TRIM47: variants seen among roughly 807,000 people sequenced by gnomAD.
TRIM47 encodes E3 ubiquitin-protein ligase TRIM47.
In TRIM47, 46 loss-of-function variants were observed where a neutral mutation model predicts 54.4. That is an observed-to-expected ratio of 0.84 (90% CI 0.67 to 1.08). The LOEUF (loss-of-function observed/expected upper bound fraction) is 1.08, where lower values mean the gene tolerates loss of function less well. Ranked by LOEUF, TRIM47 falls within the 50% of genes least tolerant of loss-of-function variation. The probability of loss-of-function intolerance (pLI) is 0.00; values close to 1 mark genes in which losing one functional copy is unlikely to be tolerated. For missense variants in TRIM47, 825 were observed against 910.1 expected, an observed-to-expected ratio of 0.91 and a Z score of 1.20; for synonymous variants, 392 against 410.2, an observed-to-expected ratio of 0.96 and a Z score of 0.54.
chr17:75,877,911 T>C lies in TRIM47; in HGVS notation c.638A>G (p.Glu213Gly). 1 of 1,424,360 alleles carries C rather than the reference T, an allele frequency of 7.0e-7. No homozygotes were observed. The highest frequency in any genetic ancestry group is 9.2e-7 in the Non-Finnish European group (1 of 1,091,724). The allele number at this position is 1,424,360 out of a possible 1,614,324, so 88.2% of individuals were successfully genotyped here. A position where few individuals can be genotyped will look rare whatever the true frequency, so the allele number is the denominator to read the frequency against. Reference protein sequence around the residue: ...ACAAQEHRGHELVPLEQERAL... With the variant: ...ACAAQEHRGHGLVPLEQERAL... ...GCGCTCCTGCTCCAGCGGCACCAGC[T>C]CGTGGCCGCGGTGCTCCTGTGCGGC... The change falls in exon 1 of 6, where the codon GAG becomes GGG. Residue 213 changes from glutamate to glycine, a missense_variant. Coordinates refer to ENST00000254816, the MANE Select transcript of TRIM47 (RefSeq NM_033452.3).
rs756900045 is a variant in TRIM47 at position 75,874,759 on chromosome 17, C to T, written c.1641G>A (p.Thr547=). 1.2e-5 allele frequency: 19 copies of T among 1,613,896 alleles called. No individual in the cohort carries two copies. The highest frequency in any genetic ancestry group is 2.7e-5 in the African/African-American group (2 of 74,936). ...CAGCGTATTCCAGGCAGACCCCAAC[C>T]GTGGGCGAGAAGGGGTGGGGCAGGG... The part of the protein sequence containing the change: ...EAPLPHPFSP[T]VGVCLEYADR... Residue 547 remains threonine (T), a synonymous_variant, in exon 6 of 6, where the codon ACG becomes ACA. Transcript: ENST00000254816. The surrounding 1 kb of genome is among the most constrained non-coding windows in gnomAD (Gnocchi z 6.2).
chr17:75,876,501 G>A lies in TRIM47; in HGVS notation c.772-9C>T. 1 of 1,588,810 alleles carries A rather than the reference G, an allele frequency of 6.3e-7. No individual in the cohort carries two copies. Among genetic ancestry groups the A allele is most frequent in the Non-Finnish European group, 8.6e-7 (1 of 1,169,240 alleles). Reference sequence around the variant, plus strand: ...TCTGCTACGGCTGCACTCTGCACAGGACGACAGTAGAGGGGGCAATGAGGG... The same window carrying A: ...TCTGCTACGGCTGCACTCTGCACAGAACGACAGTAGAGGGGGCAATGAGGG... On this transcript the variant is annotated splice_polypyrimidine_tract_variant and intron_variant, in intron 2 of 5. Coordinates refer to ENST00000254816, the MANE Select transcript of TRIM47 (RefSeq NM_033452.3).
At position 75,878,397 on chromosome 17, in the gene TRIM47, G is replaced by A; in HGVS notation, c.152C>T (p.Ala51Val). The change falls in exon 1 of 6, where the codon GCG (alanine) becomes GTG (valine). Residue 51 changes from alanine (A) to valine (V), a missense_variant. By Grantham distance (64) the Ala-to-Val change is moderately conservative. Transcript: ENST00000254816. ...GASGAGGPGG[A>V]ARCPLCQEPF... ...CTCCTGGCACAGCGGGCAGCGGGCC[G>A]CGCCTCCGGGTCCGCCGGCTCCACT... 1 of 1,422,228 alleles carries A rather than the reference G, an allele frequency of 7.0e-7. No individual in the cohort carries two copies. Among genetic ancestry groups the A allele is most frequent in the Non-Finnish European group, 9.2e-7 (1 of 1,081,218 alleles). The allele number at this position is 1,422,228 out of a possible 1,614,324, so 88.1% of individuals were successfully genotyped here.
intron 1 of TRIM47, 22 bp downstream of exon 1, chr17:75,877,852 C>A: frequency 7.6e-7 from 1 of 1,309,692 alleles, no homozygotes. Flanking sequence ...CCGGCTCACC[C>A]GAGTGTGCCC....
At position 75,875,780 on chromosome 17, in the gene TRIM47, G is replaced by T; in HGVS notation, c.1201+121C>A. 1 of 1,198,684 alleles carries T rather than the reference G, an allele frequency of 8.3e-7. No homozygotes were observed. Among genetic ancestry groups the T allele is most frequent in the Non-Finnish European group, 1.2e-6 (1 of 862,122 alleles). The allele number at this position is 1,198,684 out of a possible 1,614,324, so 74.3% of individuals were successfully genotyped here. A position where few individuals can be genotyped will look rare whatever the true frequency, so the allele number is the denominator to read the frequency against. On this transcript the variant is annotated intron_variant, in intron 4 of 5. Transcript: ENST00000254816. The surrounding 1 kb of genome is among the most constrained non-coding windows in gnomAD (Gnocchi z 6.1). Reference sequence around the variant, plus strand: ...CAGCTCTAGTCACTGGCAGGATTTGGGCTCCTCCCTGTGCCAGGCACAATT... The same window carrying T: ...CAGCTCTAGTCACTGGCAGGATTTGTGCTCCTCCCTGTGCCAGGCACAATT...
intron 1 of TRIM47, chr17:75,877,359 A>C: frequency 6.1e-6 from 1 of 163,246 alleles, no homozygotes; most frequent in Non-Finnish European, 1.3e-5. Context: ...GCTGGAGGCC[A>C]AAGGAAACTG....
Position 75,878,184 on chromosome 17 carries a change from G to A in TRIM47, c.365C>T (p.Ala122Val), listed in dbSNP as rs1359173521. The change falls in exon 1 of 6, where the codon GCG becomes GTG. Residue 122 changes from alanine (A) to valine (V), a missense_variant. Coordinates refer to ENST00000254816, the MANE Select transcript of TRIM47 (RefSeq NM_033452.3). Reference protein sequence around the residue: ...SAPCAPEPWPAGEEPVRCDAC... With the variant: ...SAPCAPEPWPVGEEPVRCDAC... ...GTCGCAGCGCACTGGCTCTTCGCCC[G>A]CGGGCCACGGCTCGGGAGCGCAGGG... The A allele has an allele frequency of 2.4e-6, 3 of 1,228,130 alleles. No homozygotes were observed. Among genetic ancestry groups the A allele is most frequent in the Non-Finnish European group, 3.0e-6 (3 of 985,928 alleles). The allele number at this position is 1,228,130 out of a possible 1,614,324, so 76.1% of individuals were successfully genotyped here. A position where few individuals can be genotyped will look rare whatever the true frequency, so the allele number is the denominator to read the frequency against.
rs144368754 is a variant in TRIM47 at position 75,876,787 on chromosome 17, G to A, written c.702C>T (p.Ala234=). The change falls in exon 2 of 6, where the codon GCC becomes GCT. Residue 234 remains alanine (A), a synonymous_variant. Coordinates refer to ENST00000254816, the MANE Select transcript of TRIM47 (RefSeq NM_033452.3). ...CCAGCTCGTCCATGCGGTCCTCCACGGCGCTCAGGACTTTGGACTGCTCAG... is the reference window on the plus strand; with the variant it reads ...CCAGCTCGTCCATGCGGTCCTCCACAGCGCTCAGGACTTTGGACTGCTCAG... The part of the protein sequence containing the change: ...QEAEQSKVLS[A]VEDRMDELGA... 7.4e-6 allele frequency: 12 copies of A among 1,614,164 alleles called. No individual in the cohort carries two copies. Among genetic ancestry groups the A allele is most frequent in the South Asian group, 2.2e-5 (2 of 91,086 alleles).
chr17:75,877,738 G>A, intron 1 of TRIM47, 136 bp downstream of exon 1: 1 of 1,243,590 alleles, frequency 8.0e-7, no homozygotes, highest in Non-Finnish European at 1.0e-6. Flanking sequence ...AGGCTGGAAG[G>A]GACCGCAAAG....
Position 75,875,322 on chromosome 17 carries a change from G to T in TRIM47, c.1276+78C>A. ...GGGAGAGGAATCCTAACCCTTGTGT[G>T]CCAGGGCCCTGCTGGGACCAGCCCA... On this transcript the variant is annotated intron_variant, in intron 5 of 5. Transcript: ENST00000254816. This position sits in a 1 kb window ranked among gnomAD's most constrained non-coding sequence, Gnocchi z 6.1. 1 of 1,518,394 alleles carries T rather than the reference G, an allele frequency of 6.6e-7. No individual in the cohort carries two copies. Among genetic ancestry groups the T allele is most frequent in the Non-Finnish European group, 9.1e-7 (1 of 1,095,494 alleles). The allele number at this position is 1,518,394 out of a possible 1,614,324, so 94.1% of individuals were successfully genotyped here. A position where few individuals can be genotyped will look rare whatever the true frequency, so the allele number is the denominator to read the frequency against.
chr17:75,876,034 C>A lies in TRIM47; in HGVS notation c.1068G>T (p.Glu356Asp). 6.2e-7 allele frequency: 1 copy of A among 1,603,510 alleles called. No individual in the cohort carries two copies. The highest frequency in any genetic ancestry group is 8.5e-7 in the Non-Finnish European group (1 of 1,179,970). The change falls in exon 4 of 6, where the codon GAG (glutamate) becomes GAT (aspartate). Residue 356 changes from glutamate to aspartate, a missense_variant. Glu to Asp is a conservative substitution (Grantham distance 45). Coordinates refer to ENST00000254816, the MANE Select transcript of TRIM47 (RefSeq NM_033452.3). Reference sequence around the variant, plus strand: ...CTTGGGATGATTTGGTGAAGCTGAGCTCCCTCGGGGGTCCAGGCCCAGGGC... The same window carrying A: ...CTTGGGATGATTTGGTGAAGCTGAGATCCCTCGGGGGTCCAGGCCCAGGGC... ...GCGPGPGPPR[E>D]LSFTKSSQAV...
Position 75,874,750 on chromosome 17 carries a change from G to A in TRIM47, c.1650C>T (p.Val550=), listed in dbSNP as rs778960272. 6.2e-7 allele frequency: 1 copy of A among 1,614,062 alleles called. No homozygotes were observed. Among genetic ancestry groups the A allele is most frequent in the Non-Finnish European group, 8.5e-7 (1 of 1,180,026 alleles). ...AGGCACGGTCAGCGTATTCCAGGCA[G>A]ACCCCAACCGTGGGCGAGAAGGGGT... The part of the protein sequence containing the change: ...LPHPFSPTVG[V]CLEYADRALA... The change falls in exon 6 of 6, where the codon GTC becomes GTT. Residue 550 remains valine, a synonymous_variant. Transcript: ENST00000254816. The surrounding 1 kb of genome is among the most constrained non-coding windows in gnomAD (Gnocchi z 6.2).
At position 75,878,104 on chromosome 17, in the gene TRIM47, C is replaced by A. The variant is rs2065146891; in HGVS notation, c.445G>T (p.Ala149Ser). ...CCCAGGTGCGCGGGGCAAAAGGAGG[C>A]GAGGCAGGAGAGGCAGGACAGCGCG... ...PAALSCLSCLASFCPAHLGPH... is the reference protein window; with the variant it reads ...PAALSCLSCLSSFCPAHLGPH... The change falls in exon 1 of 6, where the codon GCC becomes TCC. Residue 149 changes from alanine to serine, a missense_variant. Coordinates refer to ENST00000254816, the MANE Select transcript of TRIM47 (RefSeq NM_033452.3). The A allele has an allele frequency of 5.3e-6, 7 of 1,312,742 alleles. No homozygotes were observed. The East Asian group carries it at 1.3e-4, about 24-fold the overall frequency. The allele number at this position is 1,312,742 out of a possible 1,614,324, so 81.3% of individuals were successfully genotyped here. A position where few individuals can be genotyped will look rare whatever the true frequency, so the allele number is the denominator to read the frequency against.
At chr17:75,877,559 G>A (rs769527764) in intron 1 of TRIM47, 2 of 717,678 alleles carry the variant, frequency 2.8e-6, no homozygotes, top group Admixed American at 4.7e-5. Context: ...GGGAGCAGCA[G>A]CCACGCTACC....
At position 75,875,776 on chromosome 17, in the gene TRIM47, T is replaced by G; in HGVS notation, c.1201+125A>C. Reference sequence around the variant, plus strand: ...GTGGCAGCTCTAGTCACTGGCAGGATTTGGGCTCCTCCCTGTGCCAGGCAC... The same window carrying G: ...GTGGCAGCTCTAGTCACTGGCAGGAGTTGGGCTCCTCCCTGTGCCAGGCAC... On this transcript the variant is annotated intron_variant, in intron 4 of 5. Coordinates refer to ENST00000254816, the MANE Select transcript of TRIM47 (RefSeq NM_033452.3). This position sits in a 1 kb window ranked among gnomAD's most constrained non-coding sequence, Gnocchi z 6.1. 8.7e-7 allele frequency: 1 copy of G among 1,154,074 alleles called. No homozygotes were observed. The highest frequency in any genetic ancestry group is 1.2e-6 in the Non-Finnish European group (1 of 822,450). The allele number at this position is 1,154,074 out of a possible 1,614,324, so 71.5% of individuals were successfully genotyped here.
Position 75,875,873 on chromosome 17 carries a change from C to A in TRIM47, c.1201+28G>T. The A allele has an allele frequency of 6.2e-7, 1 of 1,603,264 alleles. No homozygotes were observed. Among genetic ancestry groups the A allele is most frequent in the South Asian group, 1.1e-5 (1 of 90,144 alleles). On this transcript the variant is annotated intron_variant, in intron 4 of 5. Coordinates refer to ENST00000254816, the MANE Select transcript of TRIM47 (RefSeq NM_033452.3). This position sits in a 1 kb window ranked among gnomAD's most constrained non-coding sequence, Gnocchi z 6.1. ...TGCGAGAGGCTGGCAGAGGGTGAGT[C>A]ATCGGGGGGGCGTGGGGCGGTGCCC...
intron 1 of TRIM47, 193 bp from the exon 2 acceptor site, chr17:75,877,006 C>T (rs1182837857): frequency 8.3e-6 from 5 of 605,142 alleles, no homozygotes; most frequent in African/African-American, 3.7e-5. Context: ...CTTTCCTGAA[C>T]GCCTGGGGGG....
rs776324738 is a variant in TRIM47 at position 75,876,459 on chromosome 17, G to A, written c.805C>T (p.Arg269Trp). 22 of 1,609,954 alleles carry A rather than the reference G, an allele frequency of 1.4e-5. No individual in the cohort carries two copies. The highest frequency in any genetic ancestry group is 4.0e-5 in the African/African-American group (3 of 74,922). Residue 269 changes from arginine to tryptophan, a missense_variant, in exon 3 of 6, where the codon CGG becomes TGG. Arg to Trp is a moderately radical substitution (Grantham distance 101). Coordinates refer to ENST00000254816, the MANE Select transcript of TRIM47 (RefSeq NM_033452.3). The part of the protein sequence containing the change: ...AAVAERERVS[R>W]LFADAAAALQ... Reference sequence around the variant, plus strand: ...GCGGCCGCAGCATCTGCAAACAGCCGGCTCACCCTCTCCCGCTCTGCTACG... The same window carrying A: ...GCGGCCGCAGCATCTGCAAACAGCCAGCTCACCCTCTCCCGCTCTGCTACG...
At chr17:75,877,793 TG>T (rs2065144244) in intron 1 of TRIM47, 80 bp downstream of exon 1, 3 of 1,271,080 alleles carry the variant, frequency 2.4e-6, no homozygotes, top group Non-Finnish European at 3.0e-6. Context: ...CCGGGAAGAC[TG>T]GGGGGTCCAA....
Sources: allele counts gnomAD v4.1 joint callset, GRCh38; gene constraint gnomAD v4.1.1; non-coding constraint Gnocchi (gnomAD v3.1); transcripts MANE v1.5; gene names NCBI Gene and HGNC (gene_info 2026-07-23, HGNC 2026-07-21).